Variants in PARD3 observed in about 807,000 individuals in gnomAD.
PARD3 encodes the protein par-3 family cell polarity regulator, also known as partitioning defective 3 homolog.
A neutral mutation model predicts 155.4 loss-of-function variants in PARD3; 75 were observed. That is an observed-to-expected ratio of 0.48 (90% CI 0.40 to 0.58). The LOEUF is 0.58. Among genes scored for constraint, PARD3 ranks in the 20% least tolerant of loss-of-function variants. The pLI, the probability that PARD3 is intolerant of heterozygous loss-of-function variation, is 0.00. For missense variants in PARD3, 1,642 were observed against 1,721.7 expected (o/e 0.95, Z 0.82); for synonymous variants, 576 against 610.5 (o/e 0.94, Z 0.83).
chr10:34,491,875 T>TA (rs1188822574), intron 3 of PARD3, among the ~76,000 whole-genome samples: 5 of 152,148 alleles, frequency 3.3e-5, no homozygotes, highest in Non-Finnish European at 2.9e-5. Context: ...CGTGGTTTCC[T>TA]AGGCAACAAG....
chr10:34,250,485 A>G (rs893445976), intron 22 of PARD3, among the ~76,000 whole-genome samples: 1 of 152,186 alleles, frequency 6.6e-6, no homozygotes, highest in African/African-American at 2.4e-5. Context: ...ACTCAAATGC[A>G]TTCATTTATT....
chr10:34,622,531 A>G (rs2091740251), intron 2 of PARD3, among the ~76,000 whole-genome samples: 1 of 152,186 alleles, frequency 6.6e-6, no homozygotes, highest in South Asian at 2.1e-4. Flanking sequence ...TCCCTCCTTG[A>G]TGGTTGGGGG....
intron 7 of PARD3, among the ~76,000 whole-genome samples, chr10:34,398,672 A>G (rs1029229154): frequency 3.3e-5 from 5 of 152,190 alleles, no homozygotes; most frequent in Non-Finnish European, 5.9e-5. Flanking sequence ...CTATTTGAAT[A>G]CATTAAAACC....
At chr10:34,258,728 G>A (rs1013199346) in intron 22 of PARD3, among the ~76,000 whole-genome samples, 2 of 152,080 alleles carry the variant, frequency 1.3e-5, no homozygotes, top group African/African-American at 4.8e-5. Context: ...AAACCTAAGA[G>A]GAAAAAGTAG....
intron 1 of PARD3, among the ~76,000 whole-genome samples, chr10:34,809,077 G>C (rs916717947): frequency 2.2e-4 from 33 of 152,270 alleles, no homozygotes; most frequent in African/African-American, 7.5e-4. Context: ...TGATACGAAA[G>C]AGTAACTTCC....
intron 2 of PARD3, among the ~76,000 whole-genome samples, chr10:34,536,515 A>T (rs1010463772): frequency 1.3e-5 from 2 of 152,242 alleles, no homozygotes; most frequent in African/African-American, 4.8e-5. Flanking sequence ...TTTTCTAAAA[A>T]CACTATTTAA....
intron 1 of PARD3, among the ~76,000 whole-genome samples, chr10:34,757,272 T>C (rs1465203008): frequency 1.3e-5 from 2 of 152,192 alleles, no homozygotes; most frequent in African/African-American, 4.8e-5. Flanking sequence ...AAATAAAAAA[T>C]TTAAGTTCTT....
chr10:34,271,114 T>G (rs1955592057), intron 21 of PARD3, among the ~76,000 whole-genome samples: 1 of 152,182 alleles, frequency 6.6e-6, no homozygotes, highest in African/African-American at 2.4e-5. Flanking sequence ...CTGAATATAA[T>G]CTTTTATTGC....
At chr10:34,194,323 G>A (rs1391898133) in intron 22 of PARD3, among the ~76,000 whole-genome samples, 2 of 152,162 alleles carry the variant, frequency 1.3e-5, no homozygotes, top group Non-Finnish European at 2.9e-5. Context: ...AGCAGTAACA[G>A]GAGGCACACC....
chr10:34,646,667 T>C (rs1263622595), intron 2 of PARD3, among the ~76,000 whole-genome samples: 4 of 152,204 alleles, frequency 2.6e-5, no homozygotes, highest in Non-Finnish European at 4.4e-5. Context: ...AATTCAGTAA[T>C]TGCTTTTCGT....
In PARD3 at chr10:34,649,061, C is replaced by T. The variant is rs368265878; in HGVS notation, c.222+47257G>A. Among the ~76,000 whole-genome samples, 98 of 152,298 alleles carry T rather than the reference C, an allele frequency of 6.4e-4. 1 individual carries two copies. The highest frequency in any genetic ancestry group is 2.3e-3 in the African/African-American group (97 of 41,558). On this transcript the variant is annotated intron_variant, in intron 2 of 24. Coordinates refer to ENST00000374788, the MANE Select transcript of PARD3 (RefSeq NM_001184785.2). ...GGATTTATAGCCCCAAAAGTCACAGCTGACAGATGACTGTACAAGTAGCCA... is the reference window on the plus strand; with the variant it reads ...GGATTTATAGCCCCAAAAGTCACAGTTGACAGATGACTGTACAAGTAGCCA...
intron 1 of PARD3, among the ~76,000 whole-genome samples, chr10:34,750,506 CA>C (rs1564578469): frequency 1.7e-4 from 23 of 138,680 alleles, no homozygotes; most frequent in Non-Finnish European, 2.5e-4. Context: ...CACACACACA[CA>C]CACCCTAAGA....
At chr10:34,654,631 T>C (rs1163146013) in intron 2 of PARD3, among the ~76,000 whole-genome samples, 1 of 152,230 alleles carries the variant, frequency 6.6e-6, no homozygotes, top group Non-Finnish European at 1.5e-5. Flanking sequence ...ATCTACTTCT[T>C]ACTTCTCCAT....
chr10:34,759,913 G>T (rs1005461653), intron 1 of PARD3, among the ~76,000 whole-genome samples: 6 of 152,170 alleles, frequency 3.9e-5, no homozygotes, highest in African/African-American at 1.2e-4. Context: ...TACTTTATTA[G>T]CTGAGAACAC....
chr10:34,131,439 C>T lies in PARD3; in HGVS notation c.3540+24G>A, dbSNP rs774652880. 29 of 1,613,172 alleles carry T rather than the reference C, an allele frequency of 1.8e-5. No homozygotes were observed. The East Asian group carries it at 2.7e-4, about 15-fold the overall frequency. On this transcript the variant is annotated intron_variant, in intron 23 of 24. Transcript: ENST00000374788. ...GCAGGGAAGTTGTAGGACCATTCAC[C>T]GTGCTGAAGAACCAATTACTTACCC...
intron 15 of PARD3, chr10:34,345,031 T>C: frequency 2.0e-6 from 2 of 984,986 alleles, no homozygotes; most frequent in Non-Finnish European, 2.4e-6. Context: ...TAGAATAAGA[T>C]CTGGAGACTT....
At chr10:34,513,990 T>G (rs1461088909) in intron 3 of PARD3, among the ~76,000 whole-genome samples, 1 of 152,122 alleles carries the variant, frequency 6.6e-6, no homozygotes, top group Non-Finnish European at 1.5e-5. Context: ...TCTCTGTATT[T>G]TCTACAAAAA....
intron 22 of PARD3, among the ~76,000 whole-genome samples, chr10:34,251,638 C>T (rs1394346155): frequency 6.6e-6 from 1 of 152,204 alleles, no homozygotes; most frequent in Non-Finnish European, 1.5e-5. Flanking sequence ...ATCAAATCCT[C>T]TTTTGCTCTT....
At chr10:34,310,875 T>C (rs1259749946) in intron 20 of PARD3, among the ~76,000 whole-genome samples, 1 of 152,224 alleles carries the variant, frequency 6.6e-6, no homozygotes, top group Non-Finnish European at 1.5e-5. Context: ...AGCTGTTCTT[T>C]GTCCAGGTGA....
Sources: allele counts gnomAD v4.1 joint callset (sites outside exome capture counted in the v4.1 genomes callset), GRCh38; gene constraint gnomAD v4.1.1; transcripts MANE v1.5; gene names NCBI Gene and HGNC (gene_info 2026-07-23, HGNC 2026-07-21).